Variants in WDFY4 observed in about 807,000 individuals in gnomAD.
The protein encoded by WDFY4 is WDFY family member 4, also known as WD repeat- and FYVE domain-containing protein 4.
In WDFY4, 169 loss-of-function variants were observed where a neutral mutation model predicts 351.9. That is an observed-to-expected ratio of 0.48 (90% CI 0.42 to 0.55). The LOEUF (loss-of-function observed/expected upper bound fraction) is 0.55. Among genes scored for constraint, WDFY4 ranks in the 20% least tolerant of loss-of-function variants. WDFY4 has a pLI of 0.00. For synonymous variants in WDFY4, 1,622 were observed against 1,574.6 expected (o/e 1.03, Z -0.71); for missense variants, 3,803 against 3,935.6 (o/e 0.97, Z 0.90).
intron 39 of WDFY4, among the ~76,000 whole-genome samples, chr10:48,858,033 A>T (rs1001849705): frequency 6.6e-6 from 1 of 152,174 alleles, no homozygotes; most frequent in Non-Finnish European, 1.5e-5. Context: ...ACCTCAGGTG[A>T]TCCACCTGCC....
At chr10:48,698,481 G>A (rs1446742779) in intron 1 of WDFY4, among the ~76,000 whole-genome samples, 1 of 152,122 alleles carries the variant, frequency 6.6e-6, no homozygotes, top group Non-Finnish European at 1.5e-5. Context: ...CCTCCCGGAG[G>A]AACAGTGAGG....
intron 47 of WDFY4, among the ~76,000 whole-genome samples, chr10:48,914,461 G>GGACA (rs1420981257): frequency 6.6e-6 from 1 of 152,140 alleles, no homozygotes; most frequent in African/African-American, 2.4e-5. Context: ...TCAGCCTGAA[G>GGACA]GACACTAAAT....
intron 13 of WDFY4, among the ~76,000 whole-genome samples, chr10:48,763,675 T>A (rs937572576): frequency 2.0e-5 from 3 of 152,240 alleles, no homozygotes; most frequent in Non-Finnish European, 4.4e-5. Flanking sequence ...AAATGAAGTA[T>A]GCAACTGATA....
At chr10:48,746,350 A>G (rs17455508) in intron 12 of WDFY4, among the ~76,000 whole-genome samples, 5,140 of 152,220 alleles carry the variant, frequency 0.034, 314 homozygotes, top group African/African-American at 0.12. Context: ...ATTTTGCCTT[A>G]ATAATAATAG....
chr10:48,937,353 G>A (rs922582227), intron 47 of WDFY4, among the ~76,000 whole-genome samples: 8 of 152,228 alleles, frequency 5.3e-5, no homozygotes, highest in African/African-American at 1.9e-4. Flanking sequence ...TTTGGATGAA[G>A]ATTTTTGTTT....
chr10:48,726,156 A>G lies in WDFY4; in HGVS notation c.781+86A>G. 4.2e-6 allele frequency: 6 copies of G among 1,417,966 alleles called. 1 individual carries two copies. In the South Asian group the frequency reaches 7.0e-5, roughly 16 times the overall value. The allele number at this position is 1,417,966 out of a possible 1,614,324, so 87.8% of individuals were successfully genotyped here. A position where few individuals can be genotyped will look rare whatever the true frequency, so the allele number is the denominator to read the frequency against. On this transcript the variant is annotated intron_variant, in intron 6 of 61. Transcript: ENST00000325239. ...AGCAAAGGCTGAGGGCCCACTTTCT[A>G]CAATGAGACTTGGGATGCTCTTGCA... is the stretch of plus-strand genomic sequence containing the variant.
chr10:48,752,936 T>G (rs909020381), intron 12 of WDFY4, among the ~76,000 whole-genome samples: 2 of 152,244 alleles, frequency 1.3e-5, no homozygotes, highest in African/African-American at 4.8e-5. Context: ...TTGTAGGAAC[T>G]GTAAAACTGC....
chr10:48,974,527 A>AAAAAAAAAAAAAAAAAAAAAC lies in WDFY4; in HGVS notation c.8929-333_8929-332insAAAAAAAAAAAAAAAAAACAA. The stretch of plus-strand genomic sequence containing the variant: ...CAAAAAAAAAAAAAAAAAAAAAAAA[A>AAAAAAAAAAAAAAAAAAAAAC]AACAACTCATGACATGAACTGCTCC... On this transcript the variant is annotated intron_variant, in intron 57 of 61. Transcript: ENST00000325239. Among the ~76,000 whole-genome samples the AAAAAAAAAAAAAAAAAAAAAC allele has an allele frequency of 2.1e-3, 48 of 23,186 alleles. 4 individuals are homozygous for AAAAAAAAAAAAAAAAAAAAAC. Among genetic ancestry groups the AAAAAAAAAAAAAAAAAAAAAC allele is most frequent in the African/African-American group, 3.0e-3 (41 of 13,798 alleles). 15.2% of individuals were successfully genotyped at this position (23,186 alleles called of 152,430 possible). A position where few individuals can be genotyped will look rare whatever the true frequency, so the allele number is the denominator to read the frequency against.
intron 35 of WDFY4, among the ~76,000 whole-genome samples, chr10:48,825,802 T>C (rs538932021): frequency 1.3e-5 from 2 of 152,166 alleles, no homozygotes; most frequent in East Asian, 3.9e-4. Context: ...TTTAATGGGG[T>C]CGTTTGGTTT....
intron 43 of WDFY4, among the ~76,000 whole-genome samples, chr10:48,880,585 G>A (rs541373010): frequency 1.6e-4 from 24 of 152,266 alleles, no homozygotes; most frequent in African/African-American, 5.1e-4. Flanking sequence ...GCGGTCGGGA[G>A]GGGAAAGAGC....
intron 44 of WDFY4, among the ~76,000 whole-genome samples, chr10:48,894,901 C>T (rs755012173): frequency 1.3e-5 from 2 of 152,148 alleles, no homozygotes; most frequent in Non-Finnish European, 2.9e-5. Flanking sequence ...AGCAGCTCAG[C>T]TGAGATCCAG....
At chr10:48,867,460 G>GT (rs2069590595) in intron 40 of WDFY4, 118 bp downstream of exon 40, 2 of 546,238 alleles carry the variant, frequency 3.7e-6, no homozygotes, top group Admixed American at 8.9e-5. Flanking sequence ...CTTGCACCAT[G>GT]TTGGGGTTTT....
chr10:48,950,035 T>G (rs1325527311), intron 51 of WDFY4, among the ~76,000 whole-genome samples: 1 of 152,182 alleles, frequency 6.6e-6, no homozygotes, highest in Non-Finnish European at 1.5e-5. Context: ...TTATTTGTTG[T>G]GGAAAATATG....
chr10:48,801,086 T>G (rs942419613), intron 24 of WDFY4, among the ~76,000 whole-genome samples: 24 of 152,212 alleles, frequency 1.6e-4, no homozygotes, highest in Middle Eastern at 3.2e-3. Flanking sequence ...TACAGTCATC[T>G]CAGGGGTGGG....
intron 2 of WDFY4, among the ~76,000 whole-genome samples, chr10:48,716,805 G>T (rs979395051): frequency 6.6e-6 from 1 of 152,242 alleles, no homozygotes; most frequent in African/African-American, 2.4e-5. Context: ...GTTTGTCAGT[G>T]CAGGGAGGAG....
intron 6 of WDFY4, among the ~76,000 whole-genome samples, chr10:48,726,457 T>G (rs2064270873): frequency 6.6e-6 from 1 of 152,226 alleles, no homozygotes. Context: ...TAGAAGAATT[T>G]TTCAAGGCTA....
intron 3 of WDFY4, 54 bp from the exon 4 acceptor site, chr10:48,721,207 G>C: frequency 6.6e-7 from 1 of 1,511,054 alleles, no homozygotes; most frequent in Non-Finnish European, 9.0e-7. Flanking sequence ...CTGGATGGAG[G>C]GGAAGCTGAG....
At chr10:48,685,321 C>G (rs77603300) in intron 1 of WDFY4, among the ~76,000 whole-genome samples, 1 of 152,190 alleles carries the variant, frequency 6.6e-6, no homozygotes, top group Non-Finnish European at 1.5e-5. Flanking sequence ...AGTCCTTTCT[C>G]GGGGTCCTGC....
Position 48,810,706 on chromosome 10 carries a change from G to T in WDFY4, c.5015G>T (p.Arg1672Leu), listed in dbSNP as rs151131973. Residue 1672 changes from arginine to leucine, a missense_variant, in exon 29 of 62, where the codon CGC becomes CTC. Coordinates refer to ENST00000325239, the MANE Select transcript of WDFY4 (RefSeq NM_001394531.1). Reference protein sequence around the residue: ...DGLCAGSWVERSTEGVDIVMD... With the variant: ...DGLCAGSWVELSTEGVDIVMD... Reference sequence around the variant, plus strand: ...CTGTGTGCAGGATCCTGGGTGGAACGCAGCACTGAGGGCGTGGATATTGTA... The same window carrying T: ...CTGTGTGCAGGATCCTGGGTGGAACTCAGCACTGAGGGCGTGGATATTGTA... The T allele has an allele frequency of 2.6e-6, 4 of 1,547,150 alleles. No homozygotes were observed. Among genetic ancestry groups the T allele is most frequent in the Non-Finnish European group, 3.5e-6 (4 of 1,145,132 alleles).
Sources: gnomAD v4.1 joint callset for allele counts (sites outside exome capture counted in the v4.1 genomes callset) on GRCh38, gnomAD v4.1.1 for gene constraint, MANE v1.5 for transcripts, NCBI Gene and HGNC (gene_info 2026-07-23, HGNC 2026-07-21) for gene names.